Variants in ABCA13 observed in about 807,000 individuals in gnomAD.
ABCA13 encodes the protein ATP-binding cassette sub-family A member 13.
In ABCA13, 476 loss-of-function variants were observed where a neutral mutation model predicts 478.7. That is an observed-to-expected ratio of 0.99 (90% CI 0.92 to 1.07). The LOEUF (loss-of-function observed/expected upper bound fraction) is 1.07. Ranked by LOEUF, ABCA13 falls within the 50% of genes least tolerant of loss-of-function variation. ABCA13 has a pLI of 0.00. For synonymous variants in ABCA13, 2,252 were observed against 2,158.9 expected (o/e 1.04, Z -1.20); for missense variants, 6,060 against 5,910.6 (o/e 1.03, Z -0.83).
At chr7:48,528,583 A>G (rs1264471492) in intron 55 of ABCA13, among the ~76,000 whole-genome samples, 1 of 152,190 alleles carries the variant, frequency 6.6e-6, no homozygotes, top group Non-Finnish European at 1.5e-5. Flanking sequence ...AGCCAAAGGC[A>G]GACGTCCCTG....
At chr7:48,469,338 G>T (rs1461982058) in intron 44 of ABCA13, among the ~76,000 whole-genome samples, 1 of 152,174 alleles carries the variant, frequency 6.6e-6, no homozygotes, top group African/African-American at 2.4e-5. Flanking sequence ...CTGTAAAGAG[G>T]AAAGTTGAGG....
At chr7:48,300,231 A>G (rs998540890) in intron 23 of ABCA13, among the ~76,000 whole-genome samples, 3 of 152,228 alleles carry the variant, frequency 2.0e-5, no homozygotes, top group Non-Finnish European at 4.4e-5. Flanking sequence ...TTCTTAGTCC[A>G]GGCTGTTGGT....
At chr7:48,581,821 GTCTGCACACT>G (rs1788736401) in intron 56 of ABCA13, among the ~76,000 whole-genome samples, 1 of 152,152 alleles carries the variant, frequency 6.6e-6, no homozygotes, top group Admixed American at 6.5e-5. Context: ...TTTCTAAGAT[GTCTGCACACT>G]TTTGCATCTG....
chr7:48,242,580 G>T (rs1229670707), intron 10 of ABCA13, among the ~76,000 whole-genome samples: 1 of 152,024 alleles, frequency 6.6e-6, no homozygotes, highest in East Asian at 1.9e-4. Context: ...TGGGATTACA[G>T]GCTCACACCA....
chr7:48,317,323 T>C lies in ABCA13; in HGVS notation c.9999+27T>C, dbSNP rs759659072. ...TAAGTTAAAATAAATGAGAATCATA[T>C]AGACCATACATACACTAAATCAGGA... is the stretch of plus-strand genomic sequence containing the variant. On this transcript the variant is annotated intron_variant, in intron 27 of 61. Coordinates refer to ENST00000435803, the MANE Select transcript of ABCA13 (RefSeq NM_152701.5). The C allele has an allele frequency of 5.0e-6, 8 of 1,603,598 alleles. No individual in the cohort carries two copies. The East Asian group carries it at 8.9e-5, about 18-fold the overall frequency.
intron 15 of ABCA13, among the ~76,000 whole-genome samples, chr7:48,250,607 T>C (rs1792404370): frequency 6.6e-6 from 1 of 152,220 alleles, no homozygotes; most frequent in Non-Finnish European, 1.5e-5. Flanking sequence ...TATGTTTTTA[T>C]TATGTTAATG....
At position 48,524,240 on chromosome 7, in the gene ABCA13, C is replaced by G. The variant is rs745405631; in HGVS notation, c.14052-8C>G. 3.1e-6 allele frequency: 5 copies of G among 1,607,402 alleles called. No individual in the cohort carries two copies. In the Admixed American group the frequency reaches 6.8e-5, roughly 22 times the overall value. ...AGGTGTGAATTCACTCTGATTTCAT[C>G]TTCCCAGGGGTCATTCTACTCTCCA... On this transcript the variant is annotated splice_polypyrimidine_tract_variant and splice_region_variant and intron_variant, in intron 53 of 61. Coordinates refer to ENST00000435803, the MANE Select transcript of ABCA13 (RefSeq NM_152701.5).
intron 55 of ABCA13, among the ~76,000 whole-genome samples, chr7:48,562,808 C>T (rs1319273596): frequency 6.6e-6 from 1 of 151,970 alleles, no homozygotes; most frequent in Non-Finnish European, 1.5e-5. Context: ...TAATTTGTTA[C>T]CTGTGAATAC....
chr7:48,208,489 G>A (rs923931346), intron 3 of ABCA13, among the ~76,000 whole-genome samples: 2 of 151,550 alleles, frequency 1.3e-5, no homozygotes, highest in African/African-American at 4.8e-5. Flanking sequence ...CTTTCATCAG[G>A]GTTTTATAGT....
chr7:48,594,890 G>A, intron 58 of ABCA13, 77 bp downstream of exon 58: 5 of 1,196,658 alleles, frequency 4.2e-6, no homozygotes, highest in Non-Finnish European at 6.2e-6. Context: ...TTAGGTACCT[G>A]CACAGTGTTA....
At position 48,647,448 on chromosome 7, in the gene ABCA13, A is replaced by T. The variant is rs527353619; in HGVS notation, c.*1936A>T. 18 of 152,346 alleles carry T rather than the reference A, an allele frequency of 1.2e-4. No individual in the cohort carries two copies. The South Asian group carries it at 3.7e-3, about 32-fold the overall frequency. The allele number at this position is 152,346 out of a possible 1,614,324, so 9.4% of individuals were successfully genotyped here. ...ATAAATACCAATTTGTGAAACATGA[A>T]TGTGTTTAAACTGCAGTGAATAAAT... On this transcript the variant is annotated 3_prime_UTR_variant, in exon 62 of 62. Transcript: ENST00000435803.
intron 59 of ABCA13, among the ~76,000 whole-genome samples, chr7:48,637,504 C>G (rs1476814066): frequency 6.7e-6 from 1 of 148,878 alleles, no homozygotes; most frequent in African/African-American, 2.5e-5. Context: ...TGGCTAAGGA[C>G]AGAAAAAAAA....
rs1799839635 is a variant in ABCA13 at position 48,299,398 on chromosome 7, A to C, written c.9321+911A>C. Among the ~76,000 whole-genome samples, 3 of 152,230 alleles carry C rather than the reference A, an allele frequency of 2.0e-5. No individual in the cohort carries two copies. In the South Asian group the frequency reaches 6.2e-4, roughly 32 times the overall value. Reference sequence around the variant, plus strand: ...AAGCTGGGAAACCAAAATTCAAATGACAGTGTCACCAAGTTACTTATAATA... The same window carrying C: ...AAGCTGGGAAACCAAAATTCAAATGCCAGTGTCACCAAGTTACTTATAATA... On this transcript the variant is annotated intron_variant, in intron 23 of 61. Transcript: ENST00000435803.
At chr7:48,346,203 A>G (rs1353223023) in intron 29 of ABCA13, among the ~76,000 whole-genome samples, 1 of 152,172 alleles carries the variant, frequency 6.6e-6, no homozygotes, top group Non-Finnish European at 1.5e-5. Flanking sequence ...TAAGTGATGC[A>G]TGGCTGTAAG....
intron 31 of ABCA13, among the ~76,000 whole-genome samples, chr7:48,354,967 A>G (rs1478994305): frequency 2.0e-5 from 3 of 152,182 alleles, no homozygotes; most frequent in African/African-American, 4.8e-5. Context: ...AATTTATTCA[A>G]TGACTTTTAT....
intron 55 of ABCA13, among the ~76,000 whole-genome samples, chr7:48,571,872 T>C (rs1323954440): frequency 6.6e-6 from 1 of 152,160 alleles, no homozygotes; most frequent in East Asian, 1.9e-4. Context: ...AAGGGAAAAC[T>C]TTAAATATTT....
At chr7:48,388,077 T>C in intron 36 of ABCA13, 118 bp downstream of exon 36, 1 of 1,091,452 alleles carries the variant, frequency 9.2e-7, no homozygotes, top group Non-Finnish European at 1.3e-6. Flanking sequence ...TAGAGAGACT[T>C]ACATTTAGGC....
intron 27 of ABCA13, among the ~76,000 whole-genome samples, chr7:48,324,781 C>T (rs928599810): frequency 6.6e-6 from 1 of 152,166 alleles, no homozygotes; most frequent in East Asian, 1.9e-4. Context: ...ACATGCATGG[C>T]GTTTGTTCCT....
At chr7:48,371,711 A>G (rs1812658777) in intron 32 of ABCA13, among the ~76,000 whole-genome samples, 1 of 152,118 alleles carries the variant, frequency 6.6e-6, no homozygotes, top group African/African-American at 2.4e-5. Flanking sequence ...GGTTTTCTAG[A>G]TATAGGATCA....
Sources: gnomAD v4.1 joint callset for allele counts (sites outside exome capture counted in the v4.1 genomes callset) on GRCh38, gnomAD v4.1.1 for gene constraint, MANE v1.5 for transcripts, NCBI Gene and HGNC (gene_info 2026-07-23, HGNC 2026-07-21) for gene names.